Variants in JAZF1 observed in about 807,000 individuals in gnomAD.
JAZF1 encodes juxtaposed with another zinc finger protein 1.
In JAZF1, 8 loss-of-function variants were observed where a neutral mutation model predicts 26.4. That is an observed-to-expected ratio of 0.30 (90% confidence interval 0.18 to 0.55). The LOEUF is 0.55. JAZF1 is among the 20% of genes least tolerant of loss of function. The pLI, the probability that JAZF1 is intolerant of heterozygous loss-of-function variation, is 0.94. For synonymous variants in JAZF1, 126 were observed against 122.3 expected (o/e 1.03, Z -0.20); for missense variants, 199 against 322.0 (o/e 0.62, Z 2.92).
chr7:27,895,230 G>A lies in JAZF1; in HGVS notation c.375C>T (p.Ser125=). The change falls in exon 3 of 5, where the codon AGC becomes AGT. Residue 125 remains serine, a synonymous_variant. Transcript: ENST00000283928. ...GGCCAGGCCACTCACCTGTCGGAGT[G>A]CTGCTGCGGAATGAAGAGGAGGGGG... ...PITPSSSFRS[S]TPTGSEYDEE... is the part of the protein sequence containing the mutation. 2 of 1,599,808 alleles carry A rather than the reference G, an allele frequency of 1.3e-6. No individual in the cohort carries two copies. The highest frequency in any genetic ancestry group is 1.7e-6 in the Non-Finnish European group (2 of 1,173,170).
chr7:27,899,495 T>G (rs1784129421), intron 2 of JAZF1, among the ~76,000 whole-genome samples: 1 of 152,090 alleles, frequency 6.6e-6, no homozygotes, highest in Admixed American at 6.5e-5. Flanking sequence ...TGTGCAGTGG[T>G]GTGATTACAG....
At chr7:28,135,185 G>T (rs954080274) in intron 1 of JAZF1, among the ~76,000 whole-genome samples, 1 of 152,172 alleles carries the variant, frequency 6.6e-6, no homozygotes, top group Non-Finnish European at 1.5e-5. Flanking sequence ...ACACAGGTTT[G>T]AGTGAAACTT....
chr7:27,865,424 G>A (rs572086633), intron 3 of JAZF1, among the ~76,000 whole-genome samples: 2 of 152,214 alleles, frequency 1.3e-5, no homozygotes, highest in African/African-American at 4.8e-5. Context: ...TGTTTCAGGG[G>A]TGTATGTGCT....
intron 1 of JAZF1, among the ~76,000 whole-genome samples, chr7:28,158,554 A>G (rs946119037): frequency 3.3e-5 from 5 of 152,178 alleles, no homozygotes; most frequent in African/African-American, 9.7e-5. Flanking sequence ...CAATTCCCAT[A>G]AGCCCCAAAT....
chr7:28,030,284 T>C (rs901607456), intron 1 of JAZF1, among the ~76,000 whole-genome samples: 1 of 152,182 alleles, frequency 6.6e-6, no homozygotes, highest in Non-Finnish European at 1.5e-5. Flanking sequence ...TACAAACAAA[T>C]CAATGCGGAC....
Position 27,830,633 on chromosome 7 carries a change from C to T in JAZF1, c.*2167G>A, listed in dbSNP as rs1295288572. 4 of 183,056 alleles carry T rather than the reference C, an allele frequency of 2.2e-5. No individual in the cohort carries two copies. The highest frequency in any genetic ancestry group is 4.7e-5 in the Non-Finnish European group (4 of 85,822). 11.3% of individuals were successfully genotyped at this position (183,056 alleles called of 1,614,324 possible). The stretch of plus-strand genomic sequence containing the variant: ...TGATTTCATTTACATTTATAAGCAG[C>T]TTTTCTTGACAGGAATTTTGATTAA... On this transcript the variant is annotated 3_prime_UTR_variant, in exon 5 of 5. Transcript: ENST00000283928.
intron 1 of JAZF1, among the ~76,000 whole-genome samples, chr7:28,049,287 C>T (rs1294720929): frequency 6.6e-6 from 1 of 151,650 alleles, no homozygotes; most frequent in Non-Finnish European, 1.5e-5. Context: ...TTTCACCATA[C>T]TGCCCAGGCT....
At chr7:27,966,934 G>A (rs967319118) in intron 2 of JAZF1, among the ~76,000 whole-genome samples, 1 of 152,114 alleles carries the variant, frequency 6.6e-6, no homozygotes, top group East Asian at 1.9e-4. Flanking sequence ...AAACTGATGG[G>A]GGCATCCAGG....
chr7:28,003,698 A>C (rs1000404633), intron 1 of JAZF1, among the ~76,000 whole-genome samples: 1 of 151,966 alleles, frequency 6.6e-6, no homozygotes, highest in Non-Finnish European at 1.5e-5. Context: ...TCCCACCTCC[A>C]CCTGCCAAAA....
At chr7:28,026,709 A>G (rs1783100226) in intron 1 of JAZF1, among the ~76,000 whole-genome samples, 1 of 152,180 alleles carries the variant, frequency 6.6e-6, no homozygotes, top group South Asian at 2.1e-4. Flanking sequence ...CTTGCCCCTA[A>G]CACAGAACTC....
chr7:28,071,491 A>G (rs1412559779), intron 1 of JAZF1: 2 of 409,528 alleles, frequency 4.9e-6, no homozygotes, highest in Non-Finnish European at 9.9e-6. Context: ...TTCCTTCCTC[A>G]TAGAACCATT....
chr7:28,049,456 T>C (rs1472154552), intron 1 of JAZF1, among the ~76,000 whole-genome samples: 2 of 152,140 alleles, frequency 1.3e-5, no homozygotes, highest in African/African-American at 4.8e-5. Context: ...GTTTTCTCCC[T>C]TACACCAAGC....
chr7:27,997,964 A>T (rs534286211), intron 1 of JAZF1, among the ~76,000 whole-genome samples: 2 of 151,498 alleles, frequency 1.3e-5, no homozygotes, highest in African/African-American at 4.8e-5. Context: ...GAGAAACCAG[A>T]ACAAACAAAT....
chr7:28,155,643 C>A (rs1351420881), intron 1 of JAZF1, among the ~76,000 whole-genome samples: 1 of 152,198 alleles, frequency 6.6e-6, no homozygotes, highest in Non-Finnish European at 1.5e-5. Flanking sequence ...TATGGAGGGC[C>A]TGGCCACCCA....
chr7:28,110,342 C>G (rs1784622162), intron 1 of JAZF1, among the ~76,000 whole-genome samples: 1 of 151,420 alleles, frequency 6.6e-6, no homozygotes, highest in Non-Finnish European at 1.5e-5. Context: ...AGGAGAATCA[C>G]TTGAACCTGG....
chr7:28,032,240 G>A (rs1440362860), intron 1 of JAZF1, among the ~76,000 whole-genome samples: 2 of 152,108 alleles, frequency 1.3e-5, no homozygotes, highest in Admixed American at 1.3e-4. Context: ...CTGCAAAAGG[G>A]AACTGTGAAA....
chr7:27,994,451 A>G (rs56708903), intron 1 of JAZF1, among the ~76,000 whole-genome samples: 20,429 of 65,430 alleles, frequency 0.31, 1,929 homozygotes, highest in East Asian at 0.62. Context: ...CAAAAAAAAA[A>G]AAACAAAAAA....
At chr7:27,863,049 TG>T (rs1167082569) in intron 3 of JAZF1, among the ~76,000 whole-genome samples, 1 of 152,184 alleles carries the variant, frequency 6.6e-6, no homozygotes, top group East Asian at 1.9e-4. Flanking sequence ...CGGCCTGCCT[TG>T]GGGACAGGGC....
At chr7:28,082,085 G>A (rs1317033545) in intron 1 of JAZF1, among the ~76,000 whole-genome samples, 2 of 152,174 alleles carry the variant, frequency 1.3e-5, no homozygotes, top group Non-Finnish European at 2.9e-5. Context: ...CTATTTTAGA[G>A]TAGAGTATGT....
Sources: allele counts gnomAD v4.1 joint callset (sites outside exome capture counted in the v4.1 genomes callset), GRCh38; gene constraint gnomAD v4.1.1; transcripts MANE v1.5; gene names NCBI Gene and HGNC (gene_info 2026-07-23, HGNC 2026-07-21).